PLCB1: variants seen among roughly 807,000 people sequenced by gnomAD.
The protein encoded by PLCB1 is 1-phosphatidylinositol 4,5-bisphosphate phosphodiesterase beta-1.
In PLCB1, 46 loss-of-function variants were observed where a neutral mutation model predicts 161.8. That is an observed-to-expected ratio of 0.28 (90% CI 0.22 to 0.36). The LOEUF is 0.36. Ranked by LOEUF, PLCB1 falls within the 10% of genes least tolerant of loss-of-function variation. The probability of loss-of-function intolerance (pLI) is 1.00; values close to 1 mark genes in which losing one functional copy is unlikely to be tolerated. For missense variants in PLCB1, 1,016 were observed against 1,472.5 expected, an observed-to-expected ratio of 0.69 and a Z score of 5.07; for synonymous variants, 517 against 503.7, an observed-to-expected ratio of 1.03 and a Z score of -0.35.
chr20:8,552,915 C>A (rs1985820796), intron 3 of PLCB1, among the ~76,000 whole-genome samples: 1 of 152,074 alleles, frequency 6.6e-6, no homozygotes, highest in Non-Finnish European at 1.5e-5. Flanking sequence ...ATGTGTTAAT[C>A]ACCTCAGGGA....
At chr20:8,848,282 A>G (rs1410476738) in intron 31 of PLCB1, among the ~76,000 whole-genome samples, 1 of 152,172 alleles carries the variant, frequency 6.6e-6, no homozygotes, top group African/African-American at 2.4e-5. Context: ...CTCCTAGTTC[A>G]TGGATGTATT....
chr20:8,781,417 A>AACACACACAC (rs745610188), intron 27 of PLCB1, among the ~76,000 whole-genome samples: 1 of 28,074 alleles, frequency 3.6e-5, no homozygotes, highest in Non-Finnish European at 1.5e-4. Flanking sequence ...CACACACACA[A>AACACACACAC]ACACACACAC....
chr20:8,660,745 A>G (rs1404503342), intron 9 of PLCB1, among the ~76,000 whole-genome samples: 1 of 152,216 alleles, frequency 6.6e-6, no homozygotes, highest in Non-Finnish European at 1.5e-5. Context: ...AAAGAGGCAC[A>G]CAAAATATTT....
At chr20:8,802,954 A>G (rs1340362850) in intron 31 of PLCB1, among the ~76,000 whole-genome samples, 1 of 152,202 alleles carries the variant, frequency 6.6e-6, no homozygotes, top group African/African-American at 2.4e-5. Flanking sequence ...TTGTGATTAT[A>G]AATAAAGCAA....
In PLCB1 at chr20:8,221,100, A is replaced by G. The variant is rs77624070; in HGVS notation, c.177+70729A>G. ...ACTTGAAGGTTAAATGAAATATTAT[A>G]TGCAGCTTGAATATATGCATACATA... On this transcript the variant is annotated intron_variant, in intron 2 of 31. Coordinates refer to ENST00000338037, the MANE Select transcript of PLCB1 (RefSeq NM_015192.4). Among the ~76,000 whole-genome samples, 507 of 152,280 alleles carry G rather than the reference A, an allele frequency of 3.3e-3. 6 individuals are homozygous for G. The highest frequency in any genetic ancestry group is 0.011 in the African/African-American group (475 of 41,564).
At chr20:8,324,239 T>TGTGTGA (rs1491411768) in intron 2 of PLCB1, among the ~76,000 whole-genome samples, 5 of 136,166 alleles carry the variant, frequency 3.7e-5, no homozygotes, top group African/African-American at 8.1e-5. Flanking sequence ...TGTGTGTGTG[T>TGTGTGA]GAAACTACGT....
rs1456055480 is a variant in PLCB1, at chr20:8,630,034, T to G, written c.384+1603T>G. ...TCTCTTTCTTCTTTCCTTTCTTTCCTCTCTTCTTTCCTTTCTTTCCTTTCT... is the reference window on the plus strand; with the variant it reads ...TCTCTTTCTTCTTTCCTTTCTTTCCGCTCTTCTTTCCTTTCTTTCCTTTCT... On this transcript the variant is annotated intron_variant, in intron 4 of 31. Transcript: ENST00000338037. 2.7e-5 allele frequency among the ~76,000 whole-genome samples: 4 copies of G among 147,100 alleles called. No individual in the cohort carries two copies. In the East Asian group the frequency reaches 7.9e-4, roughly 29 times the overall value.
chr20:8,805,001 CAAAAAAAA>C (rs3033880), intron 31 of PLCB1, among the ~76,000 whole-genome samples: 2 of 90,998 alleles, frequency 2.2e-5, no homozygotes, highest in East Asian at 3.2e-4. Flanking sequence ...AACTCCATCT[CAAAAAAAA>C]AAAAAAAAAA....
intron 5 of PLCB1, among the ~76,000 whole-genome samples, chr20:8,646,494 A>T (rs1344069505): frequency 6.6e-6 from 1 of 152,178 alleles, no homozygotes; most frequent in Non-Finnish European, 1.5e-5. Flanking sequence ...AAAATTATTA[A>T]TTTCAGATAA....
chr20:8,678,581 A>AAGGGT (rs1990144523), intron 9 of PLCB1, among the ~76,000 whole-genome samples: 1 of 152,192 alleles, frequency 6.6e-6, no homozygotes, highest in Non-Finnish European at 1.5e-5. Flanking sequence ...CTTCTCGACC[A>AAGGGT]TGTTGTTTTT....
intron 29 of PLCB1, among the ~76,000 whole-genome samples, chr20:8,789,303 T>C (rs1250454320): frequency 6.6e-6 from 1 of 152,180 alleles, no homozygotes; most frequent in Non-Finnish European, 1.5e-5. Context: ...GGCTTCAGCA[T>C]GGGAGGTCAA....
intron 26 of PLCB1, among the ~76,000 whole-genome samples, chr20:8,767,444 C>T (rs1982379964): frequency 6.6e-6 from 1 of 152,200 alleles, no homozygotes; most frequent in African/African-American, 2.4e-5. Flanking sequence ...CATATGAAAA[C>T]CTGTACTTTC....
chr20:8,814,950 A>G (rs1314050415), intron 31 of PLCB1, among the ~76,000 whole-genome samples: 1 of 152,102 alleles, frequency 6.6e-6, no homozygotes, highest in East Asian at 1.9e-4. Context: ...TTCTTAGCAA[A>G]CAGATTCCCC....
At chr20:8,345,839 TAC>T (rs1212600173) in intron 2 of PLCB1, among the ~76,000 whole-genome samples, 2 of 152,180 alleles carry the variant, frequency 1.3e-5, no homozygotes, top group African/African-American at 4.8e-5. Flanking sequence ...AAATGAAAAC[TAC>T]ATTCTTTTAA....
At chr20:8,251,854 C>G (rs918926049) in intron 2 of PLCB1, among the ~76,000 whole-genome samples, 4 of 151,820 alleles carry the variant, frequency 2.6e-5, no homozygotes, top group African/African-American at 9.7e-5. Flanking sequence ...GCTCTAAAGG[C>G]CACTGGAATT....
intron 2 of PLCB1, among the ~76,000 whole-genome samples, chr20:8,208,045 G>A (rs1211603895): frequency 6.6e-6 from 1 of 152,280 alleles, no homozygotes; most frequent in South Asian, 2.1e-4. Context: ...TTTGCTGGGG[G>A]TTTAGTGCAC....
intron 3 of PLCB1, among the ~76,000 whole-genome samples, chr20:8,474,881 C>T (rs1163041557): frequency 6.6e-6 from 1 of 152,130 alleles, no homozygotes; most frequent in African/African-American, 2.4e-5. Context: ...TCACCCTCCT[C>T]ATTCCATAAT....
chr20:8,168,285 A>G (rs2051695415), intron 2 of PLCB1, among the ~76,000 whole-genome samples: 1 of 152,192 alleles, frequency 6.6e-6, no homozygotes, highest in South Asian at 2.1e-4. Flanking sequence ...ATTACATACA[A>G]AAAAGTAATT....
intron 31 of PLCB1, among the ~76,000 whole-genome samples, chr20:8,800,230 A>C (rs903803746): frequency 6.6e-6 from 1 of 152,256 alleles, no homozygotes; most frequent in African/African-American, 2.4e-5. Context: ...ACAGCATTAC[A>C]GTCTCTGTTT....
Sources: gnomAD v4.1 joint callset for allele counts (sites outside exome capture counted in the v4.1 genomes callset) on GRCh38, gnomAD v4.1.1 for gene constraint, MANE v1.5 for transcripts, NCBI Gene and HGNC (gene_info 2026-07-23, HGNC 2026-07-21) for gene names.